The following LRRC28 variants were observed in gnomAD, a reference collection of about 807,000 sequenced individuals.
LRRC28 encodes leucine rich repeat containing 28, also known as leucine-rich repeat-containing protein 28.
LRRC28 carries 39 observed loss-of-function variants against 45.7 expected under a neutral mutation model. The ratio of observed to expected loss-of-function variants is 0.85; its 90% confidence interval spans 0.66 to 1.12. The LOEUF is 1.12. Ranked by LOEUF, LRRC28 falls within the 50% of genes most tolerant of loss-of-function variation. The pLI is 0.00. For missense variants in LRRC28, 435 were observed against 438.5 expected, an observed-to-expected ratio of 0.99 and a Z score of 0.07; for synonymous variants, 206 against 178.8, an observed-to-expected ratio of 1.15 and a Z score of -1.22.
chr15:99,299,137 T>C (rs2082335293), intron 5 of LRRC28, among the ~76,000 whole-genome samples: 1 of 152,266 alleles, frequency 6.6e-6, no homozygotes, highest in African/African-American at 2.4e-5. Context: ...CTTTCAATTA[T>C]TAAAATATAT....
chr15:99,379,001 C>CT (rs574112624), intron 9 of LRRC28, among the ~76,000 whole-genome samples: 206 of 148,998 alleles, frequency 1.4e-3, no homozygotes, highest in African/African-American at 4.2e-3. Flanking sequence ...CTAAAATTCT[C>CT]TTTTTTTGTT....
chr15:99,251,498 C>A lies in LRRC28; in HGVS notation c.-104C>A, dbSNP rs1465714140. The A allele has an allele frequency of 1.3e-5, 2 of 152,382 alleles. No individual in the cohort carries two copies. The highest frequency in any genetic ancestry group is 2.0e-4 in the South Asian group (1 of 5,048). The allele number at this position is 152,382 out of a possible 1,614,324, so 9.4% of individuals were successfully genotyped here. ...CGCCCGCCGTCCCCCGCTTGGCTTC[C>A]AGCGCCGCTTGCGCTCCGGAGCGCT... On this transcript the variant is annotated 5_prime_UTR_variant, in exon 1 of 10. Transcript: ENST00000301981.
chr15:99,284,903 A>C (rs2081915696), intron 3 of LRRC28: 1 of 590,140 alleles, frequency 1.7e-6, no homozygotes, highest in Non-Finnish European at 3.3e-6. Context: ...CACCAAACCC[A>C]TCATGACTGC....
intron 7 of LRRC28, among the ~76,000 whole-genome samples, chr15:99,360,312 T>C (rs1167863844): frequency 6.6e-6 from 1 of 152,146 alleles, no homozygotes; most frequent in Non-Finnish European, 1.5e-5. Flanking sequence ...AGTCAGATAT[T>C]GTCTTATCTT....
chr15:99,336,646 G>A (rs1306819325), intron 6 of LRRC28, among the ~76,000 whole-genome samples: 1 of 152,086 alleles, frequency 6.6e-6, no homozygotes, highest in South Asian at 2.1e-4. Flanking sequence ...CACTCCGTAC[G>A]CCAACCAGGT....
chr15:99,285,526 A>G (rs1238298636), intron 3 of LRRC28: 7 of 1,071,376 alleles, frequency 6.5e-6, no homozygotes, highest in East Asian at 2.4e-5. Context: ...CAGGCCTCCA[A>G]TGAAGAGCTT....
intron 7 of LRRC28, chr15:99,354,125 A>T (rs566683560): frequency 6.6e-6 from 1 of 152,358 alleles, no homozygotes; most frequent in Non-Finnish European, 1.5e-5. Context: ...AGTCCTACTT[A>T]CAAATGGCCT....
intron 5 of LRRC28, among the ~76,000 whole-genome samples, chr15:99,329,658 G>A (rs924952941): frequency 6.6e-6 from 1 of 152,190 alleles, no homozygotes; most frequent in African/African-American, 2.4e-5. Context: ...TGTCCATTTT[G>A]TACATCTGCA....
chr15:99,325,131 A>G (rs996773371), intron 5 of LRRC28, among the ~76,000 whole-genome samples: 14 of 152,162 alleles, frequency 9.2e-5, no homozygotes, highest in Middle Eastern at 3.2e-3. Context: ...AGTTTGTAGC[A>G]TATAAGTTTT....
intron 6 of LRRC28, among the ~76,000 whole-genome samples, chr15:99,351,410 C>G (rs1188044318): frequency 6.6e-6 from 1 of 152,184 alleles, no homozygotes; most frequent in African/African-American, 2.4e-5. Context: ...AATTCTGCCT[C>G]TTTCTGACAT....
At chr15:99,288,891 G>A (rs1439950152) in intron 5 of LRRC28, among the ~76,000 whole-genome samples, 2 of 151,388 alleles carry the variant, frequency 1.3e-5, no homozygotes, top group East Asian at 3.9e-4. Flanking sequence ...TGTTGGCTAG[G>A]CTAGTCTCAA....
At chr15:99,310,210 G>A (rs1324059077) in intron 5 of LRRC28, among the ~76,000 whole-genome samples, 1 of 152,092 alleles carries the variant, frequency 6.6e-6, no homozygotes, top group African/African-American at 2.4e-5. Flanking sequence ...AAATTTAAAG[G>A]GAAAGAATCA....
chr15:99,377,457 A>C (rs1957675275), intron 9 of LRRC28, among the ~76,000 whole-genome samples: 1 of 152,040 alleles, frequency 6.6e-6, no homozygotes, highest in Admixed American at 6.6e-5. Context: ...TTGCCAGATG[A>C]GTAGATTGCA....
Position 99,387,439 on chromosome 15 carries a change from C to A in LRRC28, c.*1337C>A, listed in dbSNP as rs1427733152. On this transcript the variant is annotated 3_prime_UTR_variant, in exon 10 of 10. Transcript: ENST00000301981. Reference sequence around the variant, plus strand: ...GTCACCTGGTGCACCACACTGTCTTCATGTTGGCCCTCGTTTCTTGTATAC... The same window carrying A: ...GTCACCTGGTGCACCACACTGTCTTAATGTTGGCCCTCGTTTCTTGTATAC... 5.3e-5 allele frequency: 8 copies of A among 152,202 alleles called. No homozygotes were observed. 9.4% of individuals were successfully genotyped at this position (152,202 alleles called of 1,614,324 possible).
At position 99,349,328 on chromosome 15, in the gene LRRC28, A is replaced by T. The variant is rs117012401; in HGVS notation, c.593-3041A>T. The stretch of plus-strand genomic sequence containing the variant: ...GGTGTACTGGAGTAAAAATGGACTA[A>T]AAAGTTCATAAATGACACTGAGACA... On this transcript the variant is annotated intron_variant, in intron 6 of 9. Transcript: ENST00000301981. Among the ~76,000 whole-genome samples, 487 of 152,304 alleles carry T rather than the reference A, an allele frequency of 3.2e-3. 1 individual carries two copies. The highest frequency in any genetic ancestry group is 5.6e-3 in the Non-Finnish European group (384 of 68,022).
intron 6 of LRRC28, among the ~76,000 whole-genome samples, chr15:99,342,349 T>C (rs915970613): frequency 6.6e-6 from 1 of 152,106 alleles, no homozygotes; most frequent in African/African-American, 2.4e-5. Flanking sequence ...GAATGATGTG[T>C]TGGGGGAGGC....
intron 9 of LRRC28, among the ~76,000 whole-genome samples, chr15:99,379,094 A>G (rs1290969682): frequency 6.6e-6 from 1 of 152,128 alleles, no homozygotes; most frequent in African/African-American, 2.4e-5. Context: ...GTTGATTGGA[A>G]TAGTTTCAGA....
At chr15:99,371,560 G>T (rs1567705990) in intron 9 of LRRC28, among the ~76,000 whole-genome samples, 1 of 152,110 alleles carries the variant, frequency 6.6e-6, no homozygotes, top group South Asian at 2.1e-4. Flanking sequence ...CCTCACTTAT[G>T]AAATGTTTCA....
intron 3 of LRRC28, chr15:99,285,319 C>A (rs2081928294): frequency 2.7e-6 from 2 of 740,990 alleles, no homozygotes; most frequent in Non-Finnish European, 5.0e-6. Flanking sequence ...AGACAGCTGT[C>A]TTTAGTCCCA....
Sources: gnomAD v4.1 joint callset for allele counts (sites outside exome capture counted in the v4.1 genomes callset) on GRCh38, gnomAD v4.1.1 for gene constraint, MANE v1.5 for transcripts, NCBI Gene and HGNC (gene_info 2026-07-23, HGNC 2026-07-21) for gene names.